Variants in STARD13 observed in about 807,000 individuals in gnomAD.
STARD13 encodes stAR-related lipid transfer protein 13.
In STARD13, 62 loss-of-function variants were observed where a neutral mutation model predicts 106.4. The observed-to-expected ratio is 0.58, with a 90% CI of 0.48 to 0.72. STARD13 has a LOEUF of 0.72. Among genes scored for constraint, STARD13 ranks in the 30% least tolerant of loss-of-function variants. The pLI, the probability that STARD13 is intolerant of heterozygous loss-of-function variation, is 0.00. For synonymous variants in STARD13, 565 were observed against 553.0 expected, an observed-to-expected ratio of 1.02 and a Z score of -0.31; for missense variants, 1,387 against 1,424.0, an observed-to-expected ratio of 0.97 and a Z score of 0.42.
At chr13:33,373,719 A>G in the STARD13 span, among the ~76,000 whole-genome samples, 2 of 152,142 alleles carry the variant, frequency 1.3e-5, no homozygotes, top group Non-Finnish European at 2.9e-5. Flanking sequence ...GGGAAATATG[A>G]TTCAAAACTA....
At chr13:33,639,497 A>G in the STARD13 span, among the ~76,000 whole-genome samples, 1 of 152,256 alleles carries the variant, frequency 6.6e-6, no homozygotes, top group Non-Finnish European at 1.5e-5. Context: ...TCACTGTAAT[A>G]TAGAAAAATT....
At chr13:33,525,904 G>A in the STARD13 span, among the ~76,000 whole-genome samples, 1 of 152,010 alleles carries the variant, frequency 6.6e-6, no homozygotes. Flanking sequence ...ATCTTAATTC[G>A]CCTGTAAAAC....
At chr13:33,163,146 A>G (rs1465130598) in intron 3 of STARD13, among the ~76,000 whole-genome samples, 1 of 152,184 alleles carries the variant, frequency 6.6e-6, no homozygotes, top group Admixed American at 6.5e-5. Flanking sequence ...CATGAGACAT[A>G]TTCACTACCA....
chr13:33,444,908 A>G, the STARD13 span, among the ~76,000 whole-genome samples: 1 of 152,248 alleles, frequency 6.6e-6, no homozygotes, highest in Non-Finnish European at 1.5e-5. Context: ...GACAGTCTAA[A>G]AACATCTTAG....
chr13:33,262,662 A>ACACACCACACAC (rs5802678), intron 1 of STARD13, among the ~76,000 whole-genome samples: 1 of 114,900 alleles, frequency 8.7e-6, no homozygotes, highest in Non-Finnish European at 1.8e-5. Flanking sequence ...ACACACACAC[A>ACACACCACACAC]ACACACACAC....
At chr13:33,648,383 T>C in the STARD13 span, among the ~76,000 whole-genome samples, 2 of 152,334 alleles carry the variant, frequency 1.3e-5, no homozygotes, top group South Asian at 2.1e-4. Flanking sequence ...AGTACAGCGG[T>C]TTCAGCCGAT....
the STARD13 span, among the ~76,000 whole-genome samples, chr13:33,607,783 A>G: frequency 5.3e-5 from 8 of 152,230 alleles, no homozygotes; most frequent in African/African-American, 1.9e-4. Context: ...AATATAAAAT[A>G]TTATTTGCAT....
the STARD13 span, among the ~76,000 whole-genome samples, chr13:33,428,691 A>G: frequency 6.6e-6 from 1 of 152,230 alleles, no homozygotes; most frequent in African/African-American, 2.4e-5. Flanking sequence ...TCTGACAGCA[A>G]AGGATACAAT....
At chr13:33,563,698 C>T in the STARD13 span, among the ~76,000 whole-genome samples, 1 of 147,532 alleles carries the variant, frequency 6.8e-6, no homozygotes, top group African/African-American at 2.5e-5. Context: ...ATGAAAAGCA[C>T]AGGCAACAAA....
the STARD13 span, among the ~76,000 whole-genome samples, chr13:33,430,253 T>C: frequency 6.6e-6 from 1 of 152,178 alleles, no homozygotes; most frequent in Non-Finnish European, 1.5e-5. Context: ...GTAATTTGTT[T>C]GTAACTCAAA....
At chr13:33,251,764 A>G (rs1890104929) in intron 1 of STARD13, among the ~76,000 whole-genome samples, 1 of 152,234 alleles carries the variant, frequency 6.6e-6, no homozygotes, top group Admixed American at 6.5e-5. Flanking sequence ...ATAATGAAAT[A>G]CATTTTTAAT....
chr13:33,299,238 T>C (rs1892620458), intron 1 of STARD13, among the ~76,000 whole-genome samples: 1 of 152,208 alleles, frequency 6.6e-6, no homozygotes. Context: ...AATCACCGAA[T>C]GATGAATTTC....
chr13:33,360,364 C>T, the STARD13 span, among the ~76,000 whole-genome samples: 1 of 151,944 alleles, frequency 6.6e-6, no homozygotes, highest in Admixed American at 6.5e-5. Context: ...GCCACCACTC[C>T]CGGCTAGTTT....
At chr13:33,632,743 CT>C in the STARD13 span, among the ~76,000 whole-genome samples, 1 of 151,862 alleles carries the variant, frequency 6.6e-6, no homozygotes, top group Admixed American at 6.6e-5. Flanking sequence ...AATTGGCTAC[CT>C]ACTTTCCTAT....
the STARD13 span, among the ~76,000 whole-genome samples, chr13:33,572,606 A>G: frequency 3.5e-4 from 53 of 152,332 alleles, no homozygotes; most frequent in African/African-American, 1.1e-3. Context: ...ATTGGAATAC[A>G]AACTATTTTT....
chr13:33,649,006 G>T, the STARD13 span, among the ~76,000 whole-genome samples: 3 of 151,620 alleles, frequency 2.0e-5, no homozygotes, highest in African/African-American at 4.8e-5. Flanking sequence ...TGTTGGTCAG[G>T]CTGGCTTGAA....
At chr13:33,633,445 C>T in the STARD13 span, among the ~76,000 whole-genome samples, 2 of 152,184 alleles carry the variant, frequency 1.3e-5, no homozygotes, top group Non-Finnish European at 2.9e-5. Context: ...TATACTTAGT[C>T]ATTATCCAGT....
intron 1 of STARD13, among the ~76,000 whole-genome samples, chr13:33,177,465 T>C (rs1294410214): frequency 6.6e-6 from 1 of 152,150 alleles, no homozygotes; most frequent in Non-Finnish European, 1.5e-5. Flanking sequence ...TTGTAAGATT[T>C]TGGTGATGCT....
chr13:33,578,110 A>G, the STARD13 span, among the ~76,000 whole-genome samples: 37 of 152,270 alleles, frequency 2.4e-4, no homozygotes, highest in African/African-American at 8.7e-4. Flanking sequence ...TACTGTTACT[A>G]TTAAAATACC....
Sources: gnomAD v4.1 joint callset for allele counts (sites outside exome capture counted in the v4.1 genomes callset) on GRCh38, gnomAD v4.1.1 for gene constraint, MANE v1.5 for transcripts, NCBI Gene and HGNC (gene_info 2026-07-23, HGNC 2026-07-21) for gene names.